SLCO3A1: variants seen among roughly 807,000 people sequenced by gnomAD.
SLCO3A1 encodes the protein solute carrier organic anion transporter family member 3A1.
In SLCO3A1, 27 loss-of-function variants were observed where a neutral mutation model predicts 63.1. The observed-to-expected ratio is 0.43, with a 90% CI of 0.32 to 0.59. SLCO3A1 has a LOEUF of 0.59. Ranked by LOEUF, SLCO3A1 falls within the 20% of genes least tolerant of loss-of-function variation. The probability of loss-of-function intolerance (pLI) is 0.09; values close to 1 mark genes in which losing one functional copy is unlikely to be tolerated. For synonymous variants in SLCO3A1, 473 were observed against 409.9 expected (o/e 1.15, Z -1.86); for missense variants, 773 against 945.8 (o/e 0.82, Z 2.40).
chr15:91,866,397 A>C (rs1021516067), intron 1 of SLCO3A1, among the ~76,000 whole-genome samples: 9 of 152,126 alleles, frequency 5.9e-5, no homozygotes, highest in African/African-American at 2.2e-4. Context: ...TATCCGATTC[A>C]GTGAGACCAA....
intron 2 of SLCO3A1, among the ~76,000 whole-genome samples, chr15:91,990,122 G>T (rs2046107815): frequency 6.6e-6 from 1 of 152,194 alleles, no homozygotes; most frequent in Non-Finnish European, 1.5e-5. Context: ...GGTGCTTTAA[G>T]ATGAGGGAAA....
At position 92,033,731 on chromosome 15, in the gene SLCO3A1, C is replaced by T. The variant is rs887932859; in HGVS notation, c.647-61150C>T. Reference sequence around the variant, plus strand: ...GGTGGCTCGCTGGTGGCAAAAAAGACGGGGATAGGAGTGTTGGGAGTCGTA... The same window carrying T: ...GGTGGCTCGCTGGTGGCAAAAAAGATGGGGATAGGAGTGTTGGGAGTCGTA... On this transcript the variant is annotated intron_variant, in intron 2 of 9. Coordinates refer to ENST00000318445, the MANE Select transcript of SLCO3A1 (RefSeq NM_013272.4). The surrounding 1 kb of genome is among the most constrained non-coding windows in gnomAD (Gnocchi z 4.5). Among the ~76,000 whole-genome samples the T allele has an allele frequency of 2.6e-5, 4 of 152,008 alleles. No individual in the cohort carries two copies. Among genetic ancestry groups the T allele is most frequent in the African/African-American group, 7.2e-5 (3 of 41,390 alleles).
chr15:91,995,299 A>G (rs2046177547), intron 2 of SLCO3A1, among the ~76,000 whole-genome samples: 1 of 152,106 alleles, frequency 6.6e-6, no homozygotes, highest in Non-Finnish European at 1.5e-5. Flanking sequence ...AAGTTATTTA[A>G]CCTTAAGGCT....
intron 2 of SLCO3A1, among the ~76,000 whole-genome samples, chr15:92,014,256 A>T (rs535013680): frequency 8.1e-4 from 123 of 152,282 alleles, no homozygotes; most frequent in African/African-American, 2.9e-3. Context: ...CCACGGGGGC[A>T]GTGGACCACC....
chr15:92,089,209 G>A (rs1251839535), intron 2 of SLCO3A1, among the ~76,000 whole-genome samples: 1 of 151,962 alleles, frequency 6.6e-6, no homozygotes, highest in Non-Finnish European at 1.5e-5. Flanking sequence ...TGTATTTTTA[G>A]TAGAGACAGG....
At chr15:92,042,866 G>A (rs1048397203) in intron 2 of SLCO3A1, among the ~76,000 whole-genome samples, 21 of 152,198 alleles carry the variant, frequency 1.4e-4, no homozygotes, top group Non-Finnish European at 2.6e-4. Context: ...CCACCCCTAG[G>A]GTGTCAGGTG....
At chr15:91,932,877 A>G (rs1417889180) in intron 2 of SLCO3A1, among the ~76,000 whole-genome samples, 1 of 152,218 alleles carries the variant, frequency 6.6e-6, no homozygotes, top group Non-Finnish European at 1.5e-5. Flanking sequence ...GACAATGATG[A>G]TGATGTGTGC....
chr15:92,021,538 A>G (rs1441667950), intron 2 of SLCO3A1, among the ~76,000 whole-genome samples: 3 of 152,204 alleles, frequency 2.0e-5, no homozygotes, highest in Non-Finnish European at 4.4e-5. Flanking sequence ...CCTACAAGGC[A>G]AGAGGGTTTT....
intron 5 of SLCO3A1, among the ~76,000 whole-genome samples, chr15:92,122,568 C>T (rs1037836037): frequency 3.3e-5 from 5 of 152,212 alleles, no homozygotes; most frequent in African/African-American, 1.2e-4. Context: ...CAAATGGGTG[C>T]TGCCACTTTG....
Position 91,941,487 on chromosome 15 carries a change from G to A in SLCO3A1, c.646+25029G>A, listed in dbSNP as rs1899619227. ...AGGGAAGGACAAACTTCAACTCTGA[G>A]CCTTGATTGAGTGACCTTGGCCAAG... On this transcript the variant is annotated intron_variant, in intron 2 of 9. Transcript: ENST00000318445. The surrounding 1 kb of genome is among the most constrained non-coding windows in gnomAD (Gnocchi z 4.4). The A allele has an allele frequency of 2.2e-6, 1 of 454,468 alleles. No homozygotes were observed. Among genetic ancestry groups the A allele is most frequent in the Non-Finnish European group, 4.4e-6 (1 of 226,366 alleles). The allele number at this position is 454,468 out of a possible 1,614,324, so 28.2% of individuals were successfully genotyped here. A position where few individuals can be genotyped will look rare whatever the true frequency, so the allele number is the denominator to read the frequency against.
intron 2 of SLCO3A1, among the ~76,000 whole-genome samples, chr15:92,063,764 T>A (rs2047114964): frequency 6.6e-6 from 1 of 152,056 alleles, no homozygotes; most frequent in Admixed American, 6.6e-5. Context: ...ACAGGAGAAT[T>A]GCTTGAACCT....
intron 2 of SLCO3A1, among the ~76,000 whole-genome samples, chr15:92,001,937 G>A (rs1341316180): frequency 1.3e-5 from 2 of 149,714 alleles, no homozygotes; most frequent in African/African-American, 4.9e-5. Context: ...AGCTCAGTTG[G>A]CACCTTTGCC....
chr15:92,036,550 G>A (rs2046730021), intron 2 of SLCO3A1, among the ~76,000 whole-genome samples: 1 of 152,012 alleles, frequency 6.6e-6, no homozygotes, highest in Non-Finnish European at 1.5e-5. Flanking sequence ...CCTTGATAGG[G>A]AGCTGTTTGC....
In SLCO3A1 at chr15:92,110,561, C is replaced by T. The variant is rs575188483; in HGVS notation, c.1009+6019C>T. ...TAGGACTCTGCATTCGTTCCCTCTA[C>T]TGGAATTCTCATTTCATCTTCAGAC... On this transcript the variant is annotated intron_variant, in intron 4 of 9. Coordinates refer to ENST00000318445, the MANE Select transcript of SLCO3A1 (RefSeq NM_013272.4). Among the ~76,000 whole-genome samples the T allele has an allele frequency of 2.2e-3, 338 of 152,314 alleles. 1 individual carries two copies. Among genetic ancestry groups the T allele is most frequent in the Non-Finnish European group, 4.0e-3 (275 of 68,026 alleles).
chr15:91,887,425 G>A (rs1021152259), intron 1 of SLCO3A1, among the ~76,000 whole-genome samples: 16 of 151,972 alleles, frequency 1.1e-4, no homozygotes, highest in Admixed American at 6.6e-4. Flanking sequence ...GAGACATTGC[G>A]GCCGCTAACC....
intron 2 of SLCO3A1, among the ~76,000 whole-genome samples, chr15:92,020,311 G>A (rs535587324): frequency 3.6e-4 from 54 of 151,890 alleles, no homozygotes; most frequent in African/African-American, 1.2e-3. Flanking sequence ...CCCCCATAGC[G>A]CACATTTTTG....
intron 2 of SLCO3A1, among the ~76,000 whole-genome samples, chr15:91,937,734 A>G (rs1012784408): frequency 4.6e-5 from 7 of 151,246 alleles, no homozygotes; most frequent in African/African-American, 9.7e-5. Context: ...AAAAAAAAAA[A>G]GTGGGAGTGA....
In SLCO3A1 at chr15:91,875,070, C is replaced by T. The variant is rs545743539; in HGVS notation, c.180+20982C>T. On this transcript the variant is annotated intron_variant, in intron 1 of 9. Transcript: ENST00000318445. This position sits in a 1 kb window ranked among gnomAD's most constrained non-coding sequence, Gnocchi z 4.5. ...CCACTCCACATGAAACAGACATTTG[C>T]CGCCTTGAAGTTGGCAGACAGTCTG... is the stretch of plus-strand genomic sequence containing the variant. 6.6e-6 allele frequency among the ~76,000 whole-genome samples: 1 copy of T among 152,226 alleles called. No homozygotes were observed. Among genetic ancestry groups the T allele is most frequent in the Non-Finnish European group, 1.5e-5 (1 of 68,046 alleles).
intron 2 of SLCO3A1, among the ~76,000 whole-genome samples, chr15:92,080,982 GTGTA>G (rs1312219508): frequency 7.6e-5 from 11 of 144,344 alleles, no homozygotes; most frequent in Non-Finnish European, 1.4e-4. Flanking sequence ...GTGTGTGTGT[GTGTA>G]TGGGGTACGT....
Sources: allele counts gnomAD v4.1 joint callset (sites outside exome capture counted in the v4.1 genomes callset), GRCh38; gene constraint gnomAD v4.1.1; non-coding constraint Gnocchi (gnomAD v3.1); transcripts MANE v1.5; gene names NCBI Gene and HGNC (gene_info 2026-07-23, HGNC 2026-07-21).